ZNF680: variants seen among roughly 807,000 people sequenced by gnomAD.
The protein encoded by ZNF680 is zinc finger protein 680.
ZNF680 carries 6 observed loss-of-function variants against 12.1 expected under a neutral mutation model. The observed-to-expected ratio is 0.49, with a 90% CI of 0.27 to 0.98. The LOEUF (loss-of-function observed/expected upper bound fraction) is 0.98, where lower values mean the gene tolerates loss of function less well. Among genes scored for constraint, ZNF680 ranks in the 50% least tolerant of loss-of-function variants. The pLI is 0.12. For synonymous variants in ZNF680, 170 were observed against 199.3 expected (o/e 0.85, Z 1.24); for missense variants, 561 against 616.3 (o/e 0.91, Z 0.95).
intron 1 of ZNF680, among the ~76,000 whole-genome samples, chr7:64,553,382 C>T (rs1787189379): frequency 1.3e-5 from 2 of 151,646 alleles, no homozygotes; most frequent in African/African-American, 4.8e-5. Flanking sequence ...CCTTAATAGC[C>T]TTCCTTATTT....
At chr7:64,524,211 G>C (rs369466829) in intron 3 of ZNF680, among the ~76,000 whole-genome samples, 2 of 149,692 alleles carry the variant, frequency 1.3e-5, no homozygotes, top group South Asian at 4.2e-4. Context: ...GCAATGGTGA[G>C]ATGTCAGCTC....
chr7:64,515,923 A>C (rs796212820), downstream of ZNF680, among the ~76,000 whole-genome samples: 2 of 151,982 alleles, frequency 1.3e-5, no homozygotes, highest in South Asian at 4.2e-4. Flanking sequence ...TTCAGCTTCT[A>C]ATAGGTCCTG....
intron 3 of ZNF680, among the ~76,000 whole-genome samples, chr7:64,524,519 T>C (rs1791728093): frequency 1.3e-5 from 2 of 152,144 alleles, no homozygotes; most frequent in African/African-American, 4.8e-5. Flanking sequence ...TCACATTAAG[T>C]TTCCAAATAT....
At chr7:64,553,989 C>T (rs1450252329) in intron 1 of ZNF680, among the ~76,000 whole-genome samples, 1 of 152,126 alleles carries the variant, frequency 6.6e-6, no homozygotes, top group Non-Finnish European at 1.5e-5. Flanking sequence ...GAGATTGCAG[C>T]CTCTGCCCGG....
At chr7:64,503,407 A>C in the ZNF680 span, among the ~76,000 whole-genome samples, 2 of 84,730 alleles carry the variant, frequency 2.4e-5, no homozygotes, top group Non-Finnish European at 4.4e-5. Flanking sequence ...TTTTTTGAGG[A>C]GTTTCACCTG....
chr7:64,536,915 A>G (rs1786197933), intron 3 of ZNF680, among the ~76,000 whole-genome samples: 1 of 152,038 alleles, frequency 6.6e-6, no homozygotes, highest in African/African-American at 2.4e-5. Flanking sequence ...CAAATAATCA[A>G]AAAAAATAGC....
At chr7:64,517,678 A>G (rs1313869882), downstream of ZNF680, among the ~76,000 whole-genome samples, 1 of 152,052 alleles carries the variant, frequency 6.6e-6, no homozygotes, top group Non-Finnish European at 1.5e-5. Flanking sequence ...ATGAACACAG[A>G]GGCTAAAATC....
chr7:64,503,615 A>C, the ZNF680 span, among the ~76,000 whole-genome samples: 1 of 152,174 alleles, frequency 6.6e-6, no homozygotes, highest in South Asian at 2.1e-4. Context: ...TCCTGACCTC[A>C]GGCGATCCGC....
In ZNF680 at chr7:64,543,804, T is replaced by C; in HGVS notation, c.158-2A>G. On this transcript the variant is annotated splice_acceptor_variant, in intron 2 of 3. Transcript: ENST00000309683. LOFTEE classifies it high-confidence loss of function. ...GGTGAGGCTTAGAGACAGCAATACC[T>C]GTTTTATTAAAAATAAATAACATGA... 1 of 1,611,410 alleles carries C rather than the reference T, an allele frequency of 6.2e-7. No homozygotes were observed. Among genetic ancestry groups the C allele is most frequent in the East Asian group, 2.2e-5 (1 of 44,774 alleles).
chr7:64,561,821 G>GCTA (rs2116579803), intron 1 of ZNF680, among the ~76,000 whole-genome samples: 1 of 151,512 alleles, frequency 6.6e-6, no homozygotes, highest in South Asian at 2.1e-4. Flanking sequence ...TGTAGTCCCA[G>GCTA]CTACTCAGGA....
chr7:64,507,309 T>C, the ZNF680 span, among the ~76,000 whole-genome samples: 3 of 151,574 alleles, frequency 2.0e-5, no homozygotes, highest in Admixed American at 6.6e-5. Flanking sequence ...AAATAGAGAG[T>C]TGTTCATCAA....
chr7:64,509,958 A>G, the ZNF680 span, among the ~76,000 whole-genome samples: 1 of 150,032 alleles, frequency 6.7e-6, no homozygotes, highest in African/African-American at 2.5e-5. Context: ...GCAACAGACC[A>G]TCTGCAGTCT....
chr7:64,545,810 C>T (rs1286454944), intron 1 of ZNF680, among the ~76,000 whole-genome samples: 1 of 152,138 alleles, frequency 6.6e-6, no homozygotes, highest in African/African-American at 2.4e-5. Flanking sequence ...CTGTATAGAG[C>T]TAATAGAGAA....
At chr7:64,526,909 A>C (rs947242348) in intron 3 of ZNF680, among the ~76,000 whole-genome samples, 17 of 152,206 alleles carry the variant, frequency 1.1e-4, no homozygotes, top group African/African-American at 4.1e-4. Flanking sequence ...ATGTGAAACA[A>C]ATTTTAAAAT....
chr7:64,503,385 T>A, the ZNF680 span, among the ~76,000 whole-genome samples: 3 of 87,464 alleles, frequency 3.4e-5, no homozygotes, highest in Admixed American at 3.4e-4. Context: ...AGGCTTTTTT[T>A]TTTTTTTTTT....
At chr7:64,542,034 G>GCC (rs1337703023) in intron 3 of ZNF680, among the ~76,000 whole-genome samples, 2 of 152,216 alleles carry the variant, frequency 1.3e-5, no homozygotes, top group Non-Finnish European at 2.9e-5. Context: ...ACAAAAACCT[G>GCC]CCCTACTGTC....
chr7:64,499,135 C>T, the ZNF680 span, among the ~76,000 whole-genome samples: 1 of 152,078 alleles, frequency 6.6e-6, no homozygotes, highest in African/African-American at 2.4e-5. Context: ...TTAAATATAA[C>T]AAAATACACC....
intron 1 of ZNF680, among the ~76,000 whole-genome samples, chr7:64,552,510 CTGAAA>C (rs140453611): frequency 0.047 from 7,139 of 152,236 alleles, 227 homozygotes; most frequent in Admixed American, 0.097. Flanking sequence ...TTCTAACTTA[CTGAAA>C]TGAAAGACAC....
intron 1 of ZNF680, among the ~76,000 whole-genome samples, chr7:64,545,263 CAAAAAAAAAAAAAA>C (rs532422147): frequency 4.5e-5 from 4 of 89,744 alleles, no homozygotes; most frequent in Admixed American, 1.5e-4. Context: ...GACTCCATCT[CAAAAAAAAAAAAAA>C]AAAAAAAAAA....
Sources: allele counts gnomAD v4.1 joint callset (sites outside exome capture counted in the v4.1 genomes callset), GRCh38; gene constraint gnomAD v4.1.1; transcripts MANE v1.5; gene names NCBI Gene and HGNC (gene_info 2026-07-23, HGNC 2026-07-21).